TTC39C: variants seen among roughly 807,000 people sequenced by gnomAD.
TTC39C encodes tetratricopeptide repeat protein 39C.
Under a neutral mutation model 76.3 loss-of-function variants are expected in TTC39C, and 33 were observed. That is an observed-to-expected ratio of 0.43 (90% CI 0.33 to 0.58). The LOEUF is 0.58. Among genes scored for constraint, TTC39C ranks in the 20% least tolerant of loss-of-function variants. TTC39C has a pLI of 0.04. For missense variants in TTC39C, 595 were observed against 701.4 expected (o/e 0.85, Z 1.71); for synonymous variants, 254 against 260.6 (o/e 0.97, Z 0.24).
At chr18:24,042,930 A>C (rs1433666236) in intron 1 of TTC39C, among the ~76,000 whole-genome samples, 1 of 152,160 alleles carries the variant, frequency 6.6e-6, no homozygotes, top group Non-Finnish European at 1.5e-5. Context: ...GAGCAATTTG[A>C]GAGCAGATAC....
intron 1 of TTC39C, among the ~76,000 whole-genome samples, chr18:24,023,965 T>TATACGTATATATATATATATACACAC (rs2083553128): frequency 9.5e-5 from 1 of 10,530 alleles, no homozygotes; most frequent in Admixed American, 6.9e-4. Flanking sequence ...TATATATATA[T>TATACGTATATATATATATATACACAC]ATATATATAT....
upstream of TTC39C, among the ~76,000 whole-genome samples, chr18:24,011,883 C>A (rs2083396208): frequency 6.6e-6 from 1 of 152,196 alleles, no homozygotes; most frequent in African/African-American, 2.4e-5. Flanking sequence ...GTCAAGTGCA[C>A]TGAAGACTGC....
chr18:24,076,075 C>T (rs528988802), intron 4 of TTC39C, among the ~76,000 whole-genome samples: 4 of 152,338 alleles, frequency 2.6e-5, no homozygotes, highest in Non-Finnish European at 5.9e-5. Context: ...CTCCTGGTTT[C>T]ATGCTATTCT....
intron 13 of TTC39C, 61 bp downstream of exon 13, chr18:24,131,981 G>C: frequency 6.8e-7 from 1 of 1,476,352 alleles, no homozygotes; most frequent in East Asian, 2.3e-5. Context: ...CTGTATACCT[G>C]AGTCTGAATT....
chr18:24,061,593 T>TGAAAAAAAA (rs1344347027), intron 1 of TTC39C, among the ~76,000 whole-genome samples: 1 of 95,824 alleles, frequency 1.0e-5, no homozygotes, highest in East Asian at 3.0e-4. Context: ...TTGAAATAAG[T>TGAAAAAAAA]AAAAAAAAAA....
chr18:24,083,659 G>A (rs1178805639), intron 6 of TTC39C, among the ~76,000 whole-genome samples: 2 of 152,134 alleles, frequency 1.3e-5, no homozygotes, highest in African/African-American at 4.8e-5. Context: ...AATAAACAGG[G>A]ATCTAAGAGG....
In TTC39C at chr18:24,066,145, G is replaced by A. The variant is rs1344280745; in HGVS notation, c.345+5G>A. The A allele has an allele frequency of 6.3e-7, 1 of 1,594,582 alleles. No homozygotes were observed. Among genetic ancestry groups the A allele is most frequent in the Non-Finnish European group, 8.5e-7 (1 of 1,175,056 alleles). On this transcript the variant is annotated splice_donor_5th_base_variant and intron_variant, in intron 3 of 13. Coordinates refer to ENST00000317571, the MANE Select transcript of TTC39C (RefSeq NM_001135993.2). The stretch of plus-strand genomic sequence containing the variant: ...AAGAATAAAATTAAGAAGAACGTAA[G>A]TATTGCGGCTTTAGGTTGTGGACTG...
chr18:24,104,198 C>T (rs1424029729), intron 6 of TTC39C, among the ~76,000 whole-genome samples: 1 of 152,170 alleles, frequency 6.6e-6, no homozygotes, highest in East Asian at 1.9e-4. Flanking sequence ...TCCCAAAGTG[C>T]TGGGTTTATA....
chr18:24,086,101 A>G (rs936288874), intron 6 of TTC39C, among the ~76,000 whole-genome samples: 4 of 152,202 alleles, frequency 2.6e-5, no homozygotes, highest in East Asian at 1.9e-4. Flanking sequence ...ACTCCTTCCA[A>G]TGAATTTGCT....
chr18:24,121,625 G>C (rs2084969712), intron 8 of TTC39C, among the ~76,000 whole-genome samples: 1 of 152,136 alleles, frequency 6.6e-6, no homozygotes, highest in African/African-American at 2.4e-5. Context: ...AATAGGTGGT[G>C]TTCGTTCTTC....
upstream of TTC39C, among the ~76,000 whole-genome samples, chr18:24,012,091 C>T (rs1320665122): frequency 8.5e-5 from 13 of 152,124 alleles, no homozygotes; most frequent in Non-Finnish European, 4.4e-5. Flanking sequence ...AATGTGAATC[C>T]GGGGCAGGTG....
chr18:23,995,368 G>A (rs964882970), intron 1 of TTC39C, among the ~76,000 whole-genome samples: 2 of 152,094 alleles, frequency 1.3e-5, no homozygotes, highest in South Asian at 2.1e-4. Flanking sequence ...TACTCAGGGG[G>A]CTGAGGCACG....
intron 7 of TTC39C, among the ~76,000 whole-genome samples, chr18:24,115,639 G>A (rs577983756): frequency 6.6e-6 from 1 of 152,202 alleles, no homozygotes; most frequent in African/African-American, 2.4e-5. Flanking sequence ...TGTCAGTTTG[G>A]GGGGTCAGGC....
At chr18:24,023,981 C>CTATATCTATATCTATATCTATATCT (rs1413099935) in intron 1 of TTC39C, among the ~76,000 whole-genome samples, 2 of 17,852 alleles carry the variant, frequency 1.1e-4, no homozygotes, top group Non-Finnish European at 2.5e-4. Context: ...TATATATATA[C>CTATATCTATATCTATATCTATATCT]ATATATATAT....
Position 24,014,971 on chromosome 18 carries a change from C to T in TTC39C, c.100C>T (p.Leu34=), listed in dbSNP as rs1332508088. ...GCCCCTGCAGGACGCGGAGCTGGCCCTGGCCGGCATCAACATGCTGCTCAA... is the reference window on the plus strand; with the variant it reads ...GCCCCTGCAGGACGCGGAGCTGGCCTTGGCCGGCATCAACATGCTGCTCAA... The part of the protein sequence containing the change: ...AAPLQDAELA[L]AGINMLLNNG... Residue 34 remains leucine (L), a synonymous_variant, in exon 1 of 14, where the codon CTG becomes TTG. Coordinates refer to ENST00000317571, the MANE Select transcript of TTC39C (RefSeq NM_001135993.2). The T allele has an allele frequency of 7.2e-6, 11 of 1,530,436 alleles. No homozygotes were observed. Among genetic ancestry groups the T allele is most frequent in the Non-Finnish European group, 9.7e-6 (11 of 1,138,532 alleles). The allele number at this position is 1,530,436 out of a possible 1,614,324, so 94.8% of individuals were successfully genotyped here.
intron 12 of TTC39C, 151 bp downstream of exon 12, chr18:24,130,568 A>G (rs2085113711): frequency 3.9e-6 from 1 of 253,974 alleles, no homozygotes; most frequent in African/African-American, 2.3e-5. Flanking sequence ...GAATGAATCC[A>G]AGAAGTTAGT....
chr18:24,121,684 G>A (rs895355445), intron 8 of TTC39C, among the ~76,000 whole-genome samples: 1 of 152,152 alleles, frequency 6.6e-6, no homozygotes, highest in Non-Finnish European at 1.5e-5. Context: ...TTCAGATACC[G>A]TTGCTGTTTA....
chr18:24,038,470 A>G (rs2083756408), intron 1 of TTC39C, among the ~76,000 whole-genome samples: 1 of 151,870 alleles, frequency 6.6e-6, no homozygotes, highest in African/African-American at 2.4e-5. Flanking sequence ...TTTTGTAGAG[A>G]CGGGGACTCA....
chr18:24,045,925 ATATTTTTTTT>A (rs1200252307), intron 1 of TTC39C, among the ~76,000 whole-genome samples: 2 of 26,308 alleles, frequency 7.6e-5, no homozygotes, highest in East Asian at 2.4e-3. Flanking sequence ...ATATATATAT[ATATTTTTTTT>A]TTTTTTTTTT....
Sources: allele counts gnomAD v4.1 joint callset (sites outside exome capture counted in the v4.1 genomes callset), GRCh38; gene constraint gnomAD v4.1.1; transcripts MANE v1.5; gene names NCBI Gene and HGNC (gene_info 2026-07-23, HGNC 2026-07-21).